Variants in TFDP1 observed in about 807,000 individuals in gnomAD.
TFDP1 encodes the protein transcription factor Dp-1.
A neutral mutation model predicts 48.0 loss-of-function variants in TFDP1; 6 were observed. The observed-to-expected ratio is 0.13, with a 90% CI of 0.07 to 0.25. TFDP1 has a LOEUF of 0.25. Among genes scored for constraint, TFDP1 ranks in the 10% least tolerant of loss-of-function variants. TFDP1 has a pLI of 1.00. For missense variants in TFDP1, 335 were observed against 543.0 expected, an observed-to-expected ratio of 0.62 and a Z score of 3.81; for synonymous variants, 201 against 211.6, an observed-to-expected ratio of 0.95 and a Z score of 0.44.
intron 2 of TFDP1, among the ~76,000 whole-genome samples, chr13:113,589,118 T>A (rs1255736575): frequency 6.6e-6 from 1 of 152,106 alleles, no homozygotes; most frequent in African/African-American, 2.4e-5. Flanking sequence ...CCTTTGATGG[T>A]CCTTGAGTGG....
At chr13:113,634,712 C>A in intron 8 of TFDP1, 110 bp downstream of exon 8, 2 of 781,900 alleles carry the variant, frequency 2.6e-6, no homozygotes, top group South Asian at 1.7e-5. Context: ...AATCAAATGA[C>A]TGCTCTAAGA....
chr13:113,617,652 A>G (rs1045150329), intron 3 of TFDP1, among the ~76,000 whole-genome samples: 3 of 151,728 alleles, frequency 2.0e-5, no homozygotes, highest in Non-Finnish European at 4.4e-5. Context: ...GCTCACCTGC[A>G]GAGCCGCTCA....
rs2049421513 is a variant in TFDP1, at chr13:113,634,517, GTGGT to G, written c.619-15_619-12del. 1 of 1,609,896 alleles carries G rather than the reference GTGGT, an allele frequency of 6.2e-7. No individual in the cohort carries two copies. The highest frequency in any genetic ancestry group is 8.5e-7 in the Non-Finnish European group (1 of 1,178,038). ...ACAGTTGTGATGATTCTTCACATGG[GTGGT>G]TTGTTTTTGAAGGTGGAAAGACAGA... is the stretch of plus-strand genomic sequence containing the variant. On this transcript the variant is annotated splice_polypyrimidine_tract_variant and intron_variant, in intron 7 of 11. Transcript: ENST00000375370.
rs976046093 is a variant in TFDP1 at position 113,633,887 on chromosome 13, C to T, written c.475-3C>T. 2 of 1,608,230 alleles carry T rather than the reference C, an allele frequency of 1.2e-6. No individual in the cohort carries two copies. The highest frequency in any genetic ancestry group is 1.7e-6 in the Non-Finnish European group (2 of 1,176,380). On this transcript the variant is annotated splice_polypyrimidine_tract_variant and splice_region_variant and intron_variant, in intron 6 of 11. Transcript: ENST00000375370. The surrounding 1 kb of genome is among the most constrained non-coding windows in gnomAD (Gnocchi z 4.5). ...TGGAAACTCCACTCCCTGTCATCCC[C>T]AGGCTTATGACCAGAAAAACATAAG...
At chr13:113,586,266 C>T (rs2140246283) in intron 2 of TFDP1, 1 of 158,626 alleles carries the variant, frequency 6.3e-6, no homozygotes, top group East Asian at 1.8e-4. Flanking sequence ...GCTGTAGCCA[C>T]CTGCTGGCAC....
chr13:113,619,359 T>C (rs2048938564), intron 3 of TFDP1, among the ~76,000 whole-genome samples: 1 of 151,300 alleles, frequency 6.6e-6, no homozygotes, highest in Admixed American at 6.6e-5. Context: ...TAGTCCCAGC[T>C]ACTCAGGAGG....
chr13:113,623,422 G>A lies in TFDP1; in HGVS notation c.186+136G>A. 3 of 795,280 alleles carry A rather than the reference G, an allele frequency of 3.8e-6. No individual in the cohort carries two copies. Among genetic ancestry groups the A allele is most frequent in the South Asian group, 3.5e-5 (2 of 57,552 alleles). The allele number at this position is 795,280 out of a possible 1,614,324, so 49.3% of individuals were successfully genotyped here. ...AGCATGGGGCCTTTCCCTCATCAGG[G>A]AGCCCGTGGCCAGTGCTAGATTTTC... is the stretch of plus-strand genomic sequence containing the variant. On this transcript the variant is annotated intron_variant, in intron 4 of 11. Coordinates refer to ENST00000375370, the MANE Select transcript of TFDP1 (RefSeq NM_007111.5). The surrounding 1 kb of genome is among the most constrained non-coding windows in gnomAD (Gnocchi z 5.2).
intron 4 of TFDP1, among the ~76,000 whole-genome samples, chr13:113,626,912 C>A (rs1008418650): frequency 1.3e-5 from 2 of 152,116 alleles, no homozygotes; most frequent in African/African-American, 4.8e-5. Flanking sequence ...TCTTTACTGC[C>A]GGTGTGAATA....
chr13:113,591,026 A>AAG (rs1164530254), intron 2 of TFDP1, among the ~76,000 whole-genome samples: 5,762 of 145,504 alleles, frequency 0.04, 470 homozygotes, highest in African/African-American at 0.13. Context: ...AAAAAAAAAA[A>AAG]AAAAGAAAAA....
Position 113,634,456 on chromosome 13 carries a change from A to T in TFDP1, c.619-78A>T, listed in dbSNP as rs1047297139. On this transcript the variant is annotated intron_variant, in intron 7 of 11. Coordinates refer to ENST00000375370, the MANE Select transcript of TFDP1 (RefSeq NM_007111.5). ...GGTAAACATAGGTAACACTGTGAGG[A>T]TGTGAGGATGTGGGTTTTAAAAAAC... is the stretch of plus-strand genomic sequence containing the variant. The T allele has an allele frequency of 1.9e-5, 21 of 1,134,460 alleles. No homozygotes were observed. In the South Asian group the frequency reaches 2.0e-4, roughly 11 times the overall value. 70.3% of individuals were successfully genotyped at this position (1,134,460 alleles called of 1,614,324 possible). A position where few individuals can be genotyped will look rare whatever the true frequency, so the allele number is the denominator to read the frequency against.
At chr13:113,592,641 G>A (rs963106635) in intron 2 of TFDP1, among the ~76,000 whole-genome samples, 10 of 152,240 alleles carry the variant, frequency 6.6e-5, no homozygotes, top group Admixed American at 2.0e-4. Flanking sequence ...AGTGTGATCC[G>A]CTCCAGTGAA....
chr13:113,627,163 C>T lies in TFDP1; in HGVS notation c.186+3877C>T, dbSNP rs1594513762. On this transcript the variant is annotated intron_variant, in intron 4 of 11. Coordinates refer to ENST00000375370, the MANE Select transcript of TFDP1 (RefSeq NM_007111.5). The surrounding 1 kb of genome is among the most constrained non-coding windows in gnomAD (Gnocchi z 4.1). ...GCTCATTCTGACACGAGGGGTGGGG[C>T]TCAGTCCGGGCATGTGAGTGAAAGC... 6.6e-6 allele frequency among the ~76,000 whole-genome samples: 1 copy of T among 152,312 alleles called. No individual in the cohort carries two copies. The highest frequency in any genetic ancestry group is 2.1e-4 in the South Asian group (1 of 4,830).
intron 2 of TFDP1, among the ~76,000 whole-genome samples, chr13:113,599,265 G>C (rs1012538082): frequency 6.6e-6 from 1 of 152,054 alleles, no homozygotes; most frequent in Non-Finnish European, 1.5e-5. Context: ...TTGTGCTGGT[G>C]CCTCGTCCCT....
chr13:113,634,442 G>GT (rs2049419121), intron 7 of TFDP1, 92 bp from the exon 8 acceptor site: 3 of 1,031,374 alleles, frequency 2.9e-6, no homozygotes, highest in African/African-American at 3.2e-5. Context: ...GTAAACATAG[G>GT]TAACACTGTG....
At chr13:113,631,818 CGT>C (rs1481386763) in intron 5 of TFDP1, 74 bp downstream of exon 5, 1 of 1,583,250 alleles carries the variant, frequency 6.3e-7, no homozygotes, top group Non-Finnish European at 8.6e-7. Flanking sequence ...TCCTGGGCCA[CGT>C]GTGTCACACA....
intron 11 of TFDP1, 126 bp from the exon 12 acceptor site, chr13:113,639,994 T>C: frequency 1.5e-6 from 1 of 684,318 alleles, no homozygotes; most frequent in Non-Finnish European, 2.5e-6. Flanking sequence ...CTCCCCGTTC[T>C]GTTTGTGTGA....
chr13:113,596,083 A>G (rs948187755), intron 2 of TFDP1, among the ~76,000 whole-genome samples: 1 of 150,924 alleles, frequency 6.6e-6, no homozygotes, highest in Non-Finnish European at 1.5e-5. Context: ...CTCCGTCTCA[A>G]AAAAAAAAAG....
chr13:113,604,679 C>A (rs1156742526), intron 2 of TFDP1, among the ~76,000 whole-genome samples: 1 of 152,138 alleles, frequency 6.6e-6, no homozygotes, highest in Non-Finnish European at 1.5e-5. Context: ...CACTTAGCAG[C>A]CTCCGTTTAC....
intron 3 of TFDP1, among the ~76,000 whole-genome samples, chr13:113,613,216 A>T (rs1173410923): frequency 6.6e-6 from 1 of 152,166 alleles, no homozygotes. Context: ...GGGTTTCACC[A>T]TGTTGGTCAG....
Sources: gnomAD v4.1 joint callset for allele counts (sites outside exome capture counted in the v4.1 genomes callset) on GRCh38, gnomAD v4.1.1 for gene constraint, Gnocchi (gnomAD v3.1) non-coding constraint, MANE v1.5 for transcripts, NCBI Gene and HGNC (gene_info 2026-07-23, HGNC 2026-07-21) for gene names.